SLC44A5: variants seen among roughly 807,000 people sequenced by gnomAD.
The protein encoded by SLC44A5 is solute carrier family 44 member 5, also known as choline transporter-like protein 5.
In SLC44A5, 57 loss-of-function variants were observed where a neutral mutation model predicts 101.8. The observed-to-expected ratio is 0.56, with a 90% CI of 0.45 to 0.70. The LOEUF is 0.70. Ranked by LOEUF, SLC44A5 falls within the 30% of genes least tolerant of loss-of-function variation. The probability of loss-of-function intolerance (pLI) is 0.00; values close to 1 mark genes in which losing one functional copy is unlikely to be tolerated. For synonymous variants in SLC44A5, 281 were observed against 290.9 expected, an observed-to-expected ratio of 0.97 and a Z score of 0.35; for missense variants, 737 against 853.1, an observed-to-expected ratio of 0.86 and a Z score of 1.70.
At chr1:75,412,502 A>T (rs1239180940) in intron 2 of SLC44A5, among the ~76,000 whole-genome samples, 1 of 152,122 alleles carries the variant, frequency 6.6e-6, no homozygotes, top group African/African-American at 2.4e-5. Flanking sequence ...TTGCATTTGG[A>T]GTAAAATTTC....
At chr1:75,472,323 G>A (rs183420871) in intron 2 of SLC44A5, among the ~76,000 whole-genome samples, 1 of 152,100 alleles carries the variant, frequency 6.6e-6, no homozygotes, top group Non-Finnish European at 1.5e-5. Flanking sequence ...GAAAGCCAAG[G>A]TATTTTGAAA....
chr1:75,335,253 C>G (rs1228432050), intron 4 of SLC44A5, among the ~76,000 whole-genome samples: 1 of 152,126 alleles, frequency 6.6e-6, no homozygotes, highest in Non-Finnish European at 1.5e-5. Context: ...CTGTCATGCC[C>G]TAGAATTACT....
intron 2 of SLC44A5, among the ~76,000 whole-genome samples, chr1:75,517,009 C>T (rs1669875241): frequency 6.6e-6 from 1 of 152,088 alleles, no homozygotes; most frequent in Non-Finnish European, 1.5e-5. Context: ...GGTCTTCCTT[C>T]AAAACAATGA....
At chr1:75,675,129 T>G in the SLC44A5 span, among the ~76,000 whole-genome samples, 7 of 152,142 alleles carry the variant, frequency 4.6e-5, no homozygotes, top group Non-Finnish European at 8.8e-5. Flanking sequence ...TTTAAAATAT[T>G]TTTTTCTAAT....
chr1:75,478,295 A>G (rs1266325427), intron 2 of SLC44A5, among the ~76,000 whole-genome samples: 3 of 152,216 alleles, frequency 2.0e-5, no homozygotes, highest in South Asian at 4.1e-4. Flanking sequence ...CCACTGCAAA[A>G]TCATGCCAAA....
the SLC44A5 span, among the ~76,000 whole-genome samples, chr1:75,663,779 G>C: frequency 1.3e-5 from 2 of 152,076 alleles, no homozygotes; most frequent in Non-Finnish European, 2.9e-5. Flanking sequence ...TCTTAAAATA[G>C]AGGATCAACT....
the SLC44A5 span, chr1:75,677,639 A>G: frequency 2.6e-6 from 1 of 380,966 alleles, no homozygotes; most frequent in Admixed American, 3.8e-5. Flanking sequence ...AATTATCAAT[A>G]ATAACTGAAA....
chr1:75,721,923 G>A, the SLC44A5 span, among the ~76,000 whole-genome samples: 1 of 152,106 alleles, frequency 6.6e-6, no homozygotes, highest in Non-Finnish European at 1.5e-5. Flanking sequence ...GGAGACAACT[G>A]GACAACTGGA....
chr1:75,356,453 A>G (rs957841443), intron 3 of SLC44A5, among the ~76,000 whole-genome samples: 2 of 152,002 alleles, frequency 1.3e-5, no homozygotes, highest in Non-Finnish European at 2.9e-5. Flanking sequence ...AAGTTCATAG[A>G]ATAAGGATAT....
chr1:75,709,616 A>G, the SLC44A5 span, among the ~76,000 whole-genome samples: 2 of 152,246 alleles, frequency 1.3e-5, no homozygotes, highest in South Asian at 2.1e-4. Context: ...ATTTATTAAC[A>G]AAACTTTTCA....
the SLC44A5 span, among the ~76,000 whole-genome samples, chr1:75,722,251 T>TA: frequency 2.0e-5 from 3 of 152,184 alleles, no homozygotes; most frequent in Non-Finnish European, 4.4e-5. Context: ...GTCCTCAGTG[T>TA]AAAAAGTGAA....
At chr1:75,230,001 C>G (rs1647404917) in intron 12 of SLC44A5, among the ~76,000 whole-genome samples, 1 of 152,142 alleles carries the variant, frequency 6.6e-6, no homozygotes, top group East Asian at 1.9e-4. Flanking sequence ...TTTCTTTGAA[C>G]CACACAATCA....
At chr1:75,212,622 C>T (rs968747098) in intron 22 of SLC44A5, among the ~76,000 whole-genome samples, 1 of 152,028 alleles carries the variant, frequency 6.6e-6, no homozygotes, top group Non-Finnish European at 1.5e-5. Flanking sequence ...CTTCCTGCCA[C>T]CCCCAGTACT....
intron 3 of SLC44A5, among the ~76,000 whole-genome samples, chr1:75,359,249 T>C (rs1321516144): frequency 2.1e-5 from 3 of 146,290 alleles, no homozygotes; most frequent in Non-Finnish European, 3.0e-5. Flanking sequence ...TTTTTTTTTT[T>C]CTTGAGACAG....
chr1:75,522,720 C>G (rs902811462), intron 2 of SLC44A5, among the ~76,000 whole-genome samples: 5 of 152,170 alleles, frequency 3.3e-5, no homozygotes, highest in African/African-American at 1.2e-4. Flanking sequence ...GAAGGACTTT[C>G]TTATTATGAA....
At chr1:75,707,620 T>C in the SLC44A5 span, among the ~76,000 whole-genome samples, 1 of 152,130 alleles carries the variant, frequency 6.6e-6, no homozygotes, top group African/African-American at 2.4e-5. Flanking sequence ...CTCTGACGGA[T>C]CCCCCACAAA....
chr1:75,222,834 C>T (rs749903014), intron 13 of SLC44A5, among the ~76,000 whole-genome samples: 3 of 152,148 alleles, frequency 2.0e-5, no homozygotes, highest in Non-Finnish European at 4.4e-5. Flanking sequence ...ACAGAAGACA[C>T]GTTTTGAGCT....
chr1:75,217,725 T>C, intron 18 of SLC44A5, 141 bp downstream of exon 18: 1 of 632,864 alleles, frequency 1.6e-6, no homozygotes, highest in South Asian at 1.8e-5. Flanking sequence ...AAGCTCTCTC[T>C]GGTTTTCCTT....
intron 3 of SLC44A5, among the ~76,000 whole-genome samples, chr1:75,391,519 C>T (rs1410438611): frequency 1.3e-5 from 2 of 152,092 alleles, no homozygotes; most frequent in African/African-American, 2.4e-5. Flanking sequence ...GACATAAAAA[C>T]AGACGTATAG....
Sources: allele counts gnomAD v4.1 joint callset (sites outside exome capture counted in the v4.1 genomes callset), GRCh38; gene constraint gnomAD v4.1.1; transcripts MANE v1.5; gene names NCBI Gene and HGNC (gene_info 2026-07-23, HGNC 2026-07-21).